Variants in GRID1 observed in about 807,000 individuals in gnomAD.
The protein encoded by GRID1 is glutamate receptor ionotropic, delta-1.
GRID1 carries 28 observed loss-of-function variants against 98.0 expected under a neutral mutation model. That is an observed-to-expected ratio of 0.29 (90% CI 0.21 to 0.39). GRID1 has a LOEUF of 0.39. Among genes scored for constraint, GRID1 ranks in the 10% least tolerant of loss-of-function variants. The pLI is 1.00. For synonymous variants in GRID1, 553 were observed against 538.5 expected (o/e 1.03, Z -0.37); for missense variants, 1,111 against 1,340.5 (o/e 0.83, Z 2.67).
intron 4 of GRID1, among the ~76,000 whole-genome samples, chr10:85,980,343 G>A (rs528482047): frequency 1.3e-5 from 2 of 152,354 alleles, no homozygotes; most frequent in African/African-American, 4.8e-5. Flanking sequence ...GTTAAGTGAA[G>A]AAACAGTGGG....
chr10:85,773,716 C>G (rs1842298368), intron 8 of GRID1, among the ~76,000 whole-genome samples: 1 of 152,174 alleles, frequency 6.6e-6, no homozygotes, highest in Non-Finnish European at 1.5e-5. Flanking sequence ...AGTGAACTCT[C>G]ATTTACAATT....
At chr10:86,309,062 C>G (rs1204349901) in intron 2 of GRID1, among the ~76,000 whole-genome samples, 1 of 152,162 alleles carries the variant, frequency 6.6e-6, no homozygotes, top group Non-Finnish European at 1.5e-5. Context: ...ATAGCCTATA[C>G]TCTATGTCAG....
intron 4 of GRID1, among the ~76,000 whole-genome samples, chr10:86,080,131 C>T (rs1282819972): frequency 2.0e-5 from 3 of 151,834 alleles, no homozygotes; most frequent in Non-Finnish European, 2.9e-5. Context: ...GTCAGGAGTT[C>T]GAGACCAGCC....
At chr10:85,908,507 A>G (rs1319673937) in intron 5 of GRID1, among the ~76,000 whole-genome samples, 1 of 152,212 alleles carries the variant, frequency 6.6e-6, no homozygotes. Context: ...TGTACACTGT[A>G]AAAGATAAAA....
chr10:85,903,580 T>C (rs1336244815), intron 5 of GRID1, among the ~76,000 whole-genome samples: 1 of 152,178 alleles, frequency 6.6e-6, no homozygotes, highest in Admixed American at 6.5e-5. Context: ...AAAATATATA[T>C]ATATATTGCC....
chr10:85,960,926 C>T (rs1213526351), intron 4 of GRID1, among the ~76,000 whole-genome samples: 1 of 151,848 alleles, frequency 6.6e-6, no homozygotes, highest in Non-Finnish European at 1.5e-5. Context: ...TTCTGCAGAC[C>T]CTGCTATTAA....
At chr10:85,935,359 A>G (rs2131835086) in intron 4 of GRID1, among the ~76,000 whole-genome samples, 1 of 152,346 alleles carries the variant, frequency 6.6e-6, no homozygotes, top group South Asian at 2.1e-4. Flanking sequence ...TCTGACCTAA[A>G]GATTACAAAT....
At chr10:85,735,034 A>G (rs1201675356) in intron 8 of GRID1, among the ~76,000 whole-genome samples, 1 of 152,184 alleles carries the variant, frequency 6.6e-6, no homozygotes, top group Admixed American at 6.5e-5. Context: ...GATGGGCTTG[A>G]TAAGTGGGAA....
intron 2 of GRID1, among the ~76,000 whole-genome samples, chr10:86,309,543 C>T (rs145916743): frequency 2.3e-4 from 35 of 152,276 alleles, no homozygotes; most frequent in African/African-American, 7.5e-4. Context: ...AGTAAAGAAT[C>T]GGAGAAGTCC....
chr10:86,144,987 T>C (rs979321486), intron 3 of GRID1, among the ~76,000 whole-genome samples: 2 of 152,220 alleles, frequency 1.3e-5, no homozygotes, highest in African/African-American at 4.8e-5. Flanking sequence ...CCCCTGACCC[T>C]AGCATCTGCC....
intron 3 of GRID1, among the ~76,000 whole-genome samples, chr10:86,140,308 C>G (rs1017894847): frequency 6.6e-6 from 1 of 152,244 alleles, no homozygotes; most frequent in African/African-American, 2.4e-5. Flanking sequence ...TGCCCACAGG[C>G]ACGGCCTGGC....
intron 13 of GRID1, among the ~76,000 whole-genome samples, chr10:85,638,123 A>G (rs1380752478): frequency 2.1e-5 from 2 of 96,150 alleles, no homozygotes; most frequent in African/African-American, 8.2e-5. Flanking sequence ...CCAAAGTAAA[A>G]TAAGAAGAAA....
intron 2 of GRID1, among the ~76,000 whole-genome samples, chr10:86,318,776 A>C (rs1364283291): frequency 1.3e-5 from 2 of 152,152 alleles, no homozygotes; most frequent in African/African-American, 2.4e-5. Context: ...TCATTCAACT[A>C]AGCACCTACT....
intron 3 of GRID1, among the ~76,000 whole-genome samples, chr10:86,174,391 A>G (rs1845543016): frequency 6.6e-6 from 1 of 152,078 alleles, no homozygotes; most frequent in Non-Finnish European, 1.5e-5. Flanking sequence ...AGCAATGGGG[A>G]AAGGATTCCC....
chr10:86,238,840 T>C (rs1381264924), intron 2 of GRID1, among the ~76,000 whole-genome samples: 1 of 152,150 alleles, frequency 6.6e-6, no homozygotes, highest in Non-Finnish European at 1.5e-5. Context: ...TGTATGAAAA[T>C]GCCTGGATGT....
intron 4 of GRID1, among the ~76,000 whole-genome samples, chr10:86,091,228 T>C (rs934619233): frequency 6.6e-6 from 1 of 152,174 alleles, no homozygotes; most frequent in Non-Finnish European, 1.5e-5. Context: ...GGGAGGCAGA[T>C]AGCCTTGGGC....
At chr10:86,164,561 C>T (rs937420674) in intron 3 of GRID1, among the ~76,000 whole-genome samples, 1 of 152,170 alleles carries the variant, frequency 6.6e-6, no homozygotes, top group Non-Finnish European at 1.5e-5. Context: ...GTAATTAAGT[C>T]CATAATTGCG....
At chr10:85,873,201 A>G (rs950385312) in intron 5 of GRID1, among the ~76,000 whole-genome samples, 1 of 152,218 alleles carries the variant, frequency 6.6e-6, no homozygotes, top group African/African-American at 2.4e-5. Flanking sequence ...TCTCTGTACT[A>G]CTATGAGACA....
intron 2 of GRID1, among the ~76,000 whole-genome samples, chr10:86,268,291 C>T (rs542443573): frequency 1.3e-4 from 20 of 152,320 alleles, no homozygotes; most frequent in African/African-American, 3.8e-4. Context: ...CATTTCTTCC[C>T]GGCAGATGTT....
Sources: allele counts gnomAD v4.1 joint callset (sites outside exome capture counted in the v4.1 genomes callset), GRCh38; gene constraint gnomAD v4.1.1; transcripts MANE v1.5; gene names NCBI Gene and HGNC (gene_info 2026-07-23, HGNC 2026-07-21).